ABLIM2: variants seen among roughly 807,000 people sequenced by gnomAD.
ABLIM2 encodes actin binding LIM protein family member 2.
A neutral mutation model predicts 97.7 loss-of-function variants in ABLIM2; 53 were observed. That is an observed-to-expected ratio of 0.54 (90% CI 0.44 to 0.68). The LOEUF is 0.68. ABLIM2 is among the 30% of genes least tolerant of loss of function. ABLIM2 has a pLI of 0.00. For synonymous variants in ABLIM2, 361 were observed against 345.8 expected (o/e 1.04, Z -0.49); for missense variants, 835 against 867.2 (o/e 0.96, Z 0.47).
At position 8,008,341 on chromosome 4, in the gene ABLIM2, C is replaced by A. The variant is rs75370358; in HGVS notation, c.1477-141G>T. The A allele has an allele frequency of 1.6e-3, 1,248 of 774,270 alleles. 11 individuals are homozygous for A. Among genetic ancestry groups the A allele is most frequent in the African/African-American group, 0.015 (885 of 57,266 alleles). The allele number at this position is 774,270 out of a possible 1,614,324, so 48.0% of individuals were successfully genotyped here. A position where few individuals can be genotyped will look rare whatever the true frequency, so the allele number is the denominator to read the frequency against. On this transcript the variant is annotated intron_variant, in intron 15 of 20. Coordinates refer to ENST00000447017, the MANE Select transcript of ABLIM2 (RefSeq NM_001130083.2). ...GAGAAAACTCAATATGTGAGAGATG[C>A]AGCTTTCAATAAAAATCTTGCCATT...
chr4:7,977,575 A>G (rs954289902), intron 20 of ABLIM2, among the ~76,000 whole-genome samples: 2 of 152,046 alleles, frequency 1.3e-5, no homozygotes, highest in Non-Finnish European at 2.9e-5. Flanking sequence ...GGATCACCAG[A>G]GGTCGGGAGT....
chr4:7,971,959 C>T (rs1020734323), intron 20 of ABLIM2, among the ~76,000 whole-genome samples: 29 of 152,148 alleles, frequency 1.9e-4, no homozygotes, highest in Non-Finnish European at 2.4e-4. Context: ...GCCTGGGCTC[C>T]GTGGTGCATT....
In ABLIM2 at chr4:8,045,194, GC is replaced by G; in HGVS notation, c.869del (p.Ser290ThrfsTer9). On this transcript the variant is annotated frameshift_variant, in exon 9 of 21. Transcript: ENST00000447017. LOFTEE classifies it high-confidence loss of function. ...TCACACGGCTCGGAGACCCTGAGGT[GC>G]TGGAAGCAGGGACAGAAATGATGCT... ...SESIISVPAS[S>X]TSGSPSRVIY... The G allele has an allele frequency of 6.2e-7, 1 of 1,614,018 alleles. No individual in the cohort carries two copies. Among genetic ancestry groups the G allele is most frequent in the Non-Finnish European group, 8.5e-7 (1 of 1,179,874 alleles).
Position 7,970,803 on chromosome 4 carries a change from T to C in ABLIM2, c.1825-3700A>G, listed in dbSNP as rs1224263602. 6.6e-6 allele frequency among the ~76,000 whole-genome samples: 1 copy of C among 151,762 alleles called. No individual in the cohort carries two copies. Among genetic ancestry groups the C allele is most frequent in the African/African-American group, 2.4e-5 (1 of 41,316 alleles). ...TCACCAGAGGCCCTGGGGAGCAGCC[T>C]GGTTGGGCAGACCACAGCAACAGGG... is the stretch of plus-strand genomic sequence containing the variant. On this transcript the variant is annotated intron_variant, in intron 20 of 20. Transcript: ENST00000447017. The surrounding 1 kb of genome is among the most constrained non-coding windows in gnomAD (Gnocchi z 5.3).
chr4:8,071,574 T>C lies in ABLIM2; in HGVS notation c.675+6054A>G, dbSNP rs1812105861. ...GGCTGGCAGTGGGAGCCTGGGATGCTCTGTGCTTGGGTCCTGCAGAGGGAA... is the reference window on the plus strand; with the variant it reads ...GGCTGGCAGTGGGAGCCTGGGATGCCCTGTGCTTGGGTCCTGCAGAGGGAA... On this transcript the variant is annotated intron_variant, in intron 6 of 20. Transcript: ENST00000447017. The surrounding 1 kb of genome is among the most constrained non-coding windows in gnomAD (Gnocchi z 6.2). Among the ~76,000 whole-genome samples the C allele has an allele frequency of 6.6e-6, 1 of 151,988 alleles. No individual in the cohort carries two copies. The highest frequency in any genetic ancestry group is 1.5e-5 in the Non-Finnish European group (1 of 67,962).
At chr4:7,978,870 A>T (rs1168410609) in intron 20 of ABLIM2, among the ~76,000 whole-genome samples, 1 of 152,060 alleles carries the variant, frequency 6.6e-6, no homozygotes. Context: ...CCACTGGGGG[A>T]TGGTCCCATG....
intron 9 of ABLIM2, among the ~76,000 whole-genome samples, chr4:8,039,880 T>TTTTTTG (rs1787099792): frequency 7.1e-6 from 1 of 141,438 alleles, no homozygotes; most frequent in Non-Finnish European, 1.5e-5. Flanking sequence ...TACTGTTTTT[T>TTTTTTG]TTTTTTTTTT....
intron 20 of ABLIM2, among the ~76,000 whole-genome samples, chr4:7,969,729 TGACACACA>T (rs770994568): frequency 2.0e-5 from 1 of 49,626 alleles, no homozygotes; most frequent in Admixed American, 2.8e-4. Flanking sequence ...TCTCTCTCTC[TGACACACA>T]CACACACACA....
At chr4:7,978,291 G>T (rs934092133) in intron 20 of ABLIM2, among the ~76,000 whole-genome samples, 2 of 152,194 alleles carry the variant, frequency 1.3e-5, no homozygotes, top group African/African-American at 4.8e-5. Flanking sequence ...TGGCTTGGCT[G>T]AGCCTGAGGA....
intron 20 of ABLIM2, 52 bp downstream of exon 20, chr4:7,983,212 G>A (rs1028890650): frequency 9.7e-6 from 15 of 1,550,894 alleles, no homozygotes; most frequent in Admixed American, 5.7e-5. Context: ...AGGCATCTGC[G>A]GGGACTCTCG....
chr4:8,127,654 C>A lies in ABLIM2; in HGVS notation c.11-21017G>T. 1 of 1,283,190 alleles carries A rather than the reference C, an allele frequency of 7.8e-7. No homozygotes were observed. Among genetic ancestry groups the A allele is most frequent in the South Asian group, 1.2e-5 (1 of 80,712 alleles). The allele number at this position is 1,283,190 out of a possible 1,614,324, so 79.5% of individuals were successfully genotyped here. A position where few individuals can be genotyped will look rare whatever the true frequency, so the allele number is the denominator to read the frequency against. On this transcript the variant is annotated intron_variant, in intron 1 of 20. Coordinates refer to ENST00000447017, the MANE Select transcript of ABLIM2 (RefSeq NM_001130083.2). This position sits in a 1 kb window ranked among gnomAD's most constrained non-coding sequence, Gnocchi z 7.3. ...GGCCTGGCACCCACGGAGGATCGGG[C>A]AGGAGTGGACCGGGGAAGAGCCTCT...
At chr4:8,027,911 C>T (rs1579064661) in intron 11 of ABLIM2, 54 bp from the exon 12 acceptor site, 7 of 1,283,460 alleles carry the variant, frequency 5.5e-6, no homozygotes, top group Non-Finnish European at 6.4e-6. Flanking sequence ...TGGTGCAACG[C>T]CACACATATT....
Position 8,032,766 on chromosome 4 carries a change from A to G in ABLIM2, c.1048-2990T>C. ...CAGTTCCGTGACTGGCAGGCAACAC[A>G]GGCGCAAACACCCACACAGAGCCCT... On this transcript the variant is annotated intron_variant, in intron 10 of 20. Coordinates refer to ENST00000447017, the MANE Select transcript of ABLIM2 (RefSeq NM_001130083.2). This position sits in a 1 kb window ranked among gnomAD's most constrained non-coding sequence, Gnocchi z 4.3. The G allele has an allele frequency of 7.1e-7, 1 of 1,402,252 alleles. No individual in the cohort carries two copies. 86.9% of individuals were successfully genotyped at this position (1,402,252 alleles called of 1,614,324 possible).
chr4:8,091,858 A>T (rs1300249701), intron 3 of ABLIM2, among the ~76,000 whole-genome samples: 20 of 112,624 alleles, frequency 1.8e-4, no homozygotes, highest in African/African-American at 5.5e-4. Flanking sequence ...TTTATACAAT[A>T]TATTATATAT....
At chr4:8,158,477 G>A (rs1174455222) in intron 1 of ABLIM2, among the ~76,000 whole-genome samples, 2 of 152,284 alleles carry the variant, frequency 1.3e-5, no homozygotes, top group Admixed American at 6.5e-5. Flanking sequence ...CCCGGCCCGC[G>A]CCACTGAGCT....
intron 1 of ABLIM2, among the ~76,000 whole-genome samples, chr4:8,138,276 T>A (rs1850460463): frequency 6.6e-6 from 1 of 152,220 alleles, no homozygotes; most frequent in African/African-American, 2.4e-5. Flanking sequence ...GTGAATGGAC[T>A]TAATGTCACT....
Position 8,130,793 on chromosome 4 carries a change from A to G in ABLIM2, c.11-24156T>C, listed in dbSNP as rs1288386714. 1.3e-5 allele frequency among the ~76,000 whole-genome samples: 2 copies of G among 152,196 alleles called. No homozygotes were observed. The highest frequency in any genetic ancestry group is 3.8e-4 in the East Asian group (2 of 5,198). On this transcript the variant is annotated intron_variant, in intron 1 of 20. Transcript: ENST00000447017. This position sits in a 1 kb window ranked among gnomAD's most constrained non-coding sequence, Gnocchi z 4.2. ...ACAAGGACAGGAATACAAAATCGGT[A>G]TCACTGGGCTGATGTCAAGGCAGCC...
At chr4:8,137,842 G>A (rs1420972078) in intron 1 of ABLIM2, among the ~76,000 whole-genome samples, 1 of 152,200 alleles carries the variant, frequency 6.6e-6, no homozygotes, top group East Asian at 1.9e-4. Context: ...CAGAAAGCAG[G>A]CTCCCTAGGA....
rs984618498 is a variant in ABLIM2 at position 8,023,940 on chromosome 4, A to AGCTGGT, written c.1268-3643_1268-3638dup. On this transcript the variant is annotated intron_variant, in intron 12 of 20. Transcript: ENST00000447017. The surrounding 1 kb of genome is among the most constrained non-coding windows in gnomAD (Gnocchi z 5.7). ...CTCCAGGTGACACCGCAGAGAGGCC[A>AGCTGGT]GCTGGTGGCCACGGGCAGGCCAGGT... is the stretch of plus-strand genomic sequence containing the variant. Among the ~76,000 whole-genome samples the AGCTGGT allele has an allele frequency of 1.5e-4, 23 of 152,194 alleles. No homozygotes were observed. Among genetic ancestry groups the AGCTGGT allele is most frequent in the Non-Finnish European group, 2.4e-4 (16 of 68,040 alleles).
Sources: allele counts gnomAD v4.1 joint callset (sites outside exome capture counted in the v4.1 genomes callset), GRCh38; gene constraint gnomAD v4.1.1; non-coding constraint Gnocchi (gnomAD v3.1); transcripts MANE v1.5; gene names NCBI Gene and HGNC (gene_info 2026-07-23, HGNC 2026-07-21).